The following CLASP2 variants were observed in gnomAD, a reference collection of about 807,000 sequenced individuals.
The protein encoded by CLASP2 is CLIP-associating protein 2.
In CLASP2, 47 loss-of-function variants were observed where a neutral mutation model predicts 194.4. That is an observed-to-expected ratio of 0.24 (90% CI 0.19 to 0.31). CLASP2 has a LOEUF of 0.31. Among genes scored for constraint, CLASP2 ranks in the 10% least tolerant of loss-of-function variants. The pLI is 1.00. For missense variants in CLASP2, 1,445 were observed against 1,823.6 expected, an observed-to-expected ratio of 0.79 and a Z score of 3.78; for synonymous variants, 619 against 633.5, an observed-to-expected ratio of 0.98 and a Z score of 0.34.
intron 6 of CLASP2, chr3:33,683,577 C>T (rs2090155299): frequency 6.6e-6 from 1 of 152,306 alleles, no homozygotes; most frequent in Non-Finnish European, 1.5e-5. Flanking sequence ...CACTGCACTG[C>T]AGCCTAGGCA....
intron 24 of CLASP2, chr3:33,574,547 T>C: frequency 8.5e-7 from 1 of 1,178,278 alleles, no homozygotes; most frequent in Non-Finnish European, 1.2e-6. Flanking sequence ...TGAAGAACAT[T>C]TTGCTAATCA....
At chr3:33,608,702 C>CCTG in intron 13 of CLASP2, 76 bp from the exon 14 acceptor site, 1 of 752,354 alleles carries the variant, frequency 1.3e-6, no homozygotes, top group Non-Finnish European at 2.1e-6. Flanking sequence ...TACTACTACA[C>CCTG]TTTGCCCCCT....
chr3:33,623,281 ACT>A (rs1300874189), intron 10 of CLASP2, among the ~76,000 whole-genome samples: 1 of 151,524 alleles, frequency 6.6e-6, no homozygotes, highest in African/African-American at 2.4e-5. Flanking sequence ...TTCCAATTCC[ACT>A]CTTTTAGTTA....
chr3:33,604,273 T>A, intron 16 of CLASP2, 64 bp from the exon 17 acceptor site: 2 of 1,014,528 alleles, frequency 2.0e-6, no homozygotes, highest in Non-Finnish European at 3.0e-6. Context: ...TAAAAACCAA[T>A]AAAATACTAC....
rs2072732846 is a variant in CLASP2 at position 33,603,070 on chromosome 3, T to G, written c.1806A>C (p.Arg602=). Residue 602 remains arginine (R), a synonymous_variant, in exon 18 of 39, where the codon CGA becomes CGC. Coordinates refer to ENST00000682230, the MANE Select transcript of CLASP2 (RefSeq NM_001365631.1). ...CAGCAGCATTCACATCAATGTCACTTCGTGAACGCTGCAGGCTTCCTGGAA... is the reference window on the plus strand; with the variant it reads ...CAGCAGCATTCACATCAATGTCACTGCGTGAACGCTGCAGGCTTCCTGGAA... ...SSLPGSLQRS[R]SDIDVNAAAG... is the part of the protein sequence containing the mutation. 1 of 1,596,984 alleles carries G rather than the reference T, an allele frequency of 6.3e-7. No homozygotes were observed. Among genetic ancestry groups the G allele is most frequent in the Non-Finnish European group, 8.5e-7 (1 of 1,171,168 alleles).
At chr3:33,683,931 CAAAAAA>C (rs35349805) in intron 6 of CLASP2, among the ~76,000 whole-genome samples, 1 of 78,890 alleles carries the variant, frequency 1.3e-5, no homozygotes, top group African/African-American at 5.0e-5. Flanking sequence ...GACTCTGTCT[CAAAAAA>C]AAAAAAAAAA....
At chr3:33,506,347 C>T (rs771540027) in intron 37 of CLASP2, among the ~76,000 whole-genome samples, 12 of 127,152 alleles carry the variant, frequency 9.4e-5, no homozygotes, top group Non-Finnish European at 1.7e-4. Flanking sequence ...CACTGCACTC[C>T]AGCCTGGGTG....
At chr3:33,603,779 T>C (rs1266460749) in intron 17 of CLASP2, among the ~76,000 whole-genome samples, 2 of 152,138 alleles carry the variant, frequency 1.3e-5, no homozygotes, top group African/African-American at 4.8e-5. Context: ...CGTGCCACCA[T>C]GCCCTGCTAA....
intron 9 of CLASP2, among the ~76,000 whole-genome samples, chr3:33,629,564 C>A (rs979542506): frequency 2.0e-5 from 3 of 152,014 alleles, no homozygotes; most frequent in African/African-American, 4.8e-5. Context: ...AGAAACATGT[C>A]TGATAGCTAT....
intron 12 of CLASP2, among the ~76,000 whole-genome samples, chr3:33,617,329 AAAC>A (rs1424761306): frequency 1.3e-4 from 20 of 152,162 alleles, no homozygotes; most frequent in African/African-American, 4.6e-4. Context: ...TATTACATGA[AAAC>A]AACACCATTT....
At chr3:33,654,384 G>T (rs1378589116) in intron 7 of CLASP2, among the ~76,000 whole-genome samples, 1 of 152,148 alleles carries the variant, frequency 6.6e-6, no homozygotes. Context: ...GTTTGTCAAA[G>T]TTAAAATTTA....
chr3:33,507,978 G>A (rs1381790041), intron 37 of CLASP2, among the ~76,000 whole-genome samples: 3 of 150,400 alleles, frequency 2.0e-5, no homozygotes, highest in Admixed American at 6.7e-5. Context: ...ATATGTGTGT[G>A]TGTGTATATA....
At chr3:33,600,088 T>TTGTGTGTGTG (rs371922867) in intron 18 of CLASP2, among the ~76,000 whole-genome samples, 1 of 151,044 alleles carries the variant, frequency 6.6e-6, no homozygotes, top group African/African-American at 2.4e-5. Flanking sequence ...TATATTTTTT[T>TTGTGTGTGTG]TGTGTGTGTG....
At chr3:33,574,467 C>T in intron 24 of CLASP2, 6 of 1,498,258 alleles carry the variant, frequency 4.0e-6, no homozygotes, top group Non-Finnish European at 5.3e-6. Context: ...ATAGCAATGT[C>T]TATACCTTAG....
chr3:33,593,041 A>C (rs1304533883), intron 20 of CLASP2, among the ~76,000 whole-genome samples: 2 of 152,172 alleles, frequency 1.3e-5, no homozygotes, highest in African/African-American at 4.8e-5. Context: ...CCAATCAACT[A>C]TTTCATTTAG....
intron 20 of CLASP2, among the ~76,000 whole-genome samples, chr3:33,593,782 T>C (rs2069452583): frequency 6.6e-6 from 1 of 152,230 alleles, no homozygotes; most frequent in African/African-American, 2.4e-5. Flanking sequence ...AATGAGAGTA[T>C]GTTAAGTATT....
At chr3:33,607,242 T>C (rs573070137) in intron 15 of CLASP2, 142 bp downstream of exon 15, 4 of 570,532 alleles carry the variant, frequency 7.0e-6, no homozygotes, top group Admixed American at 3.5e-5. Flanking sequence ...CTAATACAGA[T>C]GTAATGGAGA....
chr3:33,501,574 T>A (rs2046861776), intron 38 of CLASP2, 78 bp downstream of exon 38: 3 of 835,890 alleles, frequency 3.6e-6, no homozygotes, highest in Non-Finnish European at 6.1e-6. Context: ...AATAAAAAGC[T>A]TACTGTTACA....
At chr3:33,682,677 T>C (rs113633290) in intron 6 of CLASP2, among the ~76,000 whole-genome samples, 2,550 of 152,354 alleles carry the variant, frequency 0.017, 25 homozygotes, top group South Asian at 0.032. Flanking sequence ...TAGAAGATTA[T>C]CAGCAGGATC....
Sources: allele counts gnomAD v4.1 joint callset (sites outside exome capture counted in the v4.1 genomes callset), GRCh38; gene constraint gnomAD v4.1.1; transcripts MANE v1.5; gene names NCBI Gene and HGNC (gene_info 2026-07-23, HGNC 2026-07-21).